The following SLC30A9 variants were observed in gnomAD, a reference collection of about 807,000 sequenced individuals.
SLC30A9 encodes solute carrier family 30 member 9.
SLC30A9 carries 58 observed loss-of-function variants against 87.5 expected under a neutral mutation model. That is an observed-to-expected ratio of 0.66 (90% CI 0.54 to 0.82). SLC30A9 has a LOEUF of 0.82. Among genes scored for constraint, SLC30A9 ranks in the 40% least tolerant of loss-of-function variants. The pLI, the probability that SLC30A9 is intolerant of heterozygous loss-of-function variation, is 0.00. For missense variants in SLC30A9, 557 were observed against 679.1 expected (o/e 0.82, Z 2.00); for synonymous variants, 234 against 233.0 (o/e 1.00, Z -0.04).
At chr4:42,004,658 CTTTTTCTTTTTTTT>C (rs1715122756) in intron 2 of SLC30A9, among the ~76,000 whole-genome samples, 1 of 63,024 alleles carries the variant, frequency 1.6e-5, no homozygotes, top group African/African-American at 4.2e-5. Flanking sequence ...TTTTTTTTTT[CTTTTTCTTTTTTTT>C]TTTTTGAGAC....
At chr4:42,042,779 G>A (rs1159561022) in intron 8 of SLC30A9, among the ~76,000 whole-genome samples, 6 of 152,114 alleles carry the variant, frequency 3.9e-5, no homozygotes, top group Non-Finnish European at 5.9e-5. Flanking sequence ...CCTCCTGATG[G>A]GGAGATACCT....
At position 42,030,059 on chromosome 4, in the gene SLC30A9, T is replaced by C. The variant is rs575628270; in HGVS notation, c.611-5216T>C. Reference sequence around the variant, plus strand: ...TAGTGTAAAGCAGATGGTGAGAACATTGGGCACAGTGAGAAAGATGGTTTT... The same window carrying C: ...TAGTGTAAAGCAGATGGTGAGAACACTGGGCACAGTGAGAAAGATGGTTTT... On this transcript the variant is annotated intron_variant, in intron 6 of 17. Transcript: ENST00000264451. The C allele has an allele frequency of 6.1e-5, 52 of 849,054 alleles. 1 individual carries two copies. In the South Asian group the frequency reaches 7.5e-4, roughly 12 times the overall value. 52.6% of individuals were successfully genotyped at this position (849,054 alleles called of 1,614,324 possible).
intron 7 of SLC30A9, among the ~76,000 whole-genome samples, chr4:42,036,903 G>A (rs566722513): frequency 7.3e-4 from 111 of 152,150 alleles, no homozygotes; most frequent in Non-Finnish European, 1.4e-3. Context: ...TTAGGCTGGT[G>A]AGACCTGCCT....
At chr4:42,046,521 C>A (rs140539440) in intron 8 of SLC30A9, among the ~76,000 whole-genome samples, 1 of 152,136 alleles carries the variant, frequency 6.6e-6, no homozygotes, top group East Asian at 1.9e-4. Context: ...ATACAACTTA[C>A]AAGGGATGTG....
At chr4:42,018,638 T>A in intron 3 of SLC30A9, 1 of 236,636 alleles carries the variant, frequency 4.2e-6, no homozygotes, top group South Asian at 5.3e-5. Context: ...GCAGCAACTC[T>A]ATGATTAACA....
chr4:42,032,829 T>C (rs1257431930), intron 6 of SLC30A9, among the ~76,000 whole-genome samples: 2 of 152,240 alleles, frequency 1.3e-5, no homozygotes, highest in Non-Finnish European at 2.9e-5. Flanking sequence ...ATTCATCTTG[T>C]ACGTTTCCTG....
intron 2 of SLC30A9, among the ~76,000 whole-genome samples, chr4:42,004,647 CT>C (rs1243802247): frequency 9.9e-4 from 118 of 118,626 alleles, no homozygotes; most frequent in African/African-American, 1.8e-3. Flanking sequence ...TTATATTTTC[CT>C]TTTTTTTTTC....
At position 41,997,538 on chromosome 4, in the gene SLC30A9, G is replaced by T. The variant is rs145779300; in HGVS notation, c.110-4078G>T. On this transcript the variant is annotated intron_variant, in intron 1 of 17. Coordinates refer to ENST00000264451, the MANE Select transcript of SLC30A9 (RefSeq NM_006345.4). ...CAGATATTTCACCACATTTTTAGTA[G>T]TTGAAATCATACTGTATAAGTCTTC... is the stretch of plus-strand genomic sequence containing the variant. Among the ~76,000 whole-genome samples the T allele has an allele frequency of 6.3e-3, 956 of 151,930 alleles. 15 individuals carry two copies. The highest frequency in any genetic ancestry group is 0.022 in the African/African-American group (901 of 41,386).
At chr4:42,051,697 A>T (rs902888655) in intron 9 of SLC30A9, among the ~76,000 whole-genome samples, 1 of 152,194 alleles carries the variant, frequency 6.6e-6, no homozygotes, top group Non-Finnish European at 1.5e-5. Flanking sequence ...AAATATTCTT[A>T]CTAAAGCCAC....
intron 8 of SLC30A9, among the ~76,000 whole-genome samples, chr4:42,040,165 G>A (rs1716860365): frequency 6.6e-6 from 1 of 152,128 alleles, no homozygotes; most frequent in Admixed American, 6.6e-5. Context: ...GGAAGGAGGA[G>A]CAGGGTGGGA....
chr4:42,030,136 A>G, intron 6 of SLC30A9: 1 of 888,608 alleles, frequency 1.1e-6, no homozygotes, highest in Non-Finnish European at 1.6e-6. Context: ...ACAAGCACAA[A>G]TCTTTCCCGC....
intron 1 of SLC30A9, among the ~76,000 whole-genome samples, chr4:41,995,992 G>A (rs1360047484): frequency 6.6e-6 from 1 of 151,750 alleles, no homozygotes; most frequent in Non-Finnish European, 1.5e-5. Flanking sequence ...TTTTAGGTGT[G>A]AGCCACTGCG....
At chr4:42,044,748 T>C (rs1717074833) in intron 8 of SLC30A9, among the ~76,000 whole-genome samples, 1 of 152,196 alleles carries the variant, frequency 6.6e-6, no homozygotes, top group South Asian at 2.1e-4. Flanking sequence ...CAACCCCAAG[T>C]CAACAGAATT....
intron 2 of SLC30A9, among the ~76,000 whole-genome samples, chr4:42,004,914 A>G (rs1715139162): frequency 1.3e-5 from 2 of 152,054 alleles, no homozygotes; most frequent in African/African-American, 4.8e-5. Context: ...TCAGCCTTCC[A>G]AAGTGCTGGG....
At chr4:42,000,131 T>A (rs2153132773) in intron 1 of SLC30A9, among the ~76,000 whole-genome samples, 1 of 152,218 alleles carries the variant, frequency 6.6e-6, no homozygotes, top group East Asian at 1.9e-4. Context: ...TAGCATCAAG[T>A]CATGGAAATG....
At chr4:42,008,845 C>T (rs918428115) in intron 2 of SLC30A9, among the ~76,000 whole-genome samples, 1 of 152,200 alleles carries the variant, frequency 6.6e-6, no homozygotes, top group Non-Finnish European at 1.5e-5. Flanking sequence ...TCCTAAGCCT[C>T]ATCCTCCCTT....
At chr4:41,993,012 A>G (rs978440769) in intron 1 of SLC30A9, among the ~76,000 whole-genome samples, 23 of 152,044 alleles carry the variant, frequency 1.5e-4, no homozygotes, top group African/African-American at 5.6e-4. Flanking sequence ...AATACTTAAA[A>G]ATGAGGAATG....
At chr4:42,020,066 CTG>C (rs1715883449) in intron 3 of SLC30A9, among the ~76,000 whole-genome samples, 2 of 152,148 alleles carry the variant, frequency 1.3e-5, no homozygotes, top group Admixed American at 6.5e-5. Flanking sequence ...TCCCAATACT[CTG>C]TAATTTTTTA....
chr4:42,078,353 A>T, intron 17 of SLC30A9, 28 bp downstream of exon 17: 1 of 1,158,684 alleles, frequency 8.6e-7, no homozygotes, highest in Non-Finnish European at 1.3e-6. Context: ...AAATAACATA[A>T]TGATAATGGC....
Sources: gnomAD v4.1 joint callset for allele counts (sites outside exome capture counted in the v4.1 genomes callset) on GRCh38, gnomAD v4.1.1 for gene constraint, MANE v1.5 for transcripts, NCBI Gene and HGNC (gene_info 2026-07-23, HGNC 2026-07-21) for gene names.